ADAM12: variants seen among roughly 807,000 people sequenced by gnomAD.
ADAM12 encodes ADAM metallopeptidase domain 12.
A neutral mutation model predicts 106.4 loss-of-function variants in ADAM12; 70 were observed. The observed-to-expected ratio is 0.66, with a 90% CI of 0.54 to 0.80. The LOEUF is 0.80. ADAM12 is among the 30% of genes least tolerant of loss of function. ADAM12 has a pLI of 0.00. For missense variants in ADAM12, 1,010 were observed against 1,171.9 expected, an observed-to-expected ratio of 0.86 and a Z score of 2.02; for synonymous variants, 420 against 433.5, an observed-to-expected ratio of 0.97 and a Z score of 0.39.
At chr10:126,046,929 G>A (rs1459711) in intron 16 of ADAM12, among the ~76,000 whole-genome samples, 17,275 of 151,892 alleles carry the variant, frequency 0.11, 1,775 homozygotes, top group East Asian at 0.39. Context: ...TTAAGGGAGA[G>A]GTTGAAATAT....
intron 3 of ADAM12, among the ~76,000 whole-genome samples, chr10:126,241,132 C>T (rs369869486): frequency 1.3e-5 from 2 of 152,164 alleles, no homozygotes; most frequent in Admixed American, 1.3e-4. Flanking sequence ...GGGACATGTA[C>T]TATATAACTG....
chr10:126,262,798 T>C (rs932508605), intron 3 of ADAM12, among the ~76,000 whole-genome samples: 1 of 152,138 alleles, frequency 6.6e-6, no homozygotes, highest in Non-Finnish European at 1.5e-5. Flanking sequence ...GCATCTAGCT[T>C]TTATCAAATG....
Position 126,066,529 on chromosome 10 carries a change from A to C in ADAM12, c.1413+188T>G, listed in dbSNP as rs183496104. 2.0e-5 allele frequency among the ~76,000 whole-genome samples: 3 copies of C among 152,330 alleles called. No individual in the cohort carries two copies. The East Asian group carries it at 5.8e-4, about 29-fold the overall frequency. The stretch of plus-strand genomic sequence containing the variant: ...CAAGTGACTGGCAACTGAAGCGTGC[A>C]TTTCACCCCAAGATTGGAAGCTAAA... On this transcript the variant is annotated intron_variant, in intron 13 of 22. Transcript: ENST00000448723. The surrounding 1 kb of genome is among the most constrained non-coding windows in gnomAD (Gnocchi z 5.1).
At chr10:126,155,189 G>A (rs1233775001) in intron 4 of ADAM12, 38 bp downstream of exon 4, 3 of 1,598,392 alleles carry the variant, frequency 1.9e-6, no homozygotes, top group Non-Finnish European at 8.6e-7. Context: ...CAGATCCAGT[G>A]GTGTAAGATT....
chr10:126,316,637 G>A (rs1240420044), intron 2 of ADAM12, among the ~76,000 whole-genome samples: 9 of 152,086 alleles, frequency 5.9e-5, no homozygotes, highest in African/African-American at 7.2e-5. Context: ...CAGGTGGATC[G>A]CTTGAGCTCA....
At position 126,286,570 on chromosome 10, in the gene ADAM12, C is replaced by G. The variant is rs566841021; in HGVS notation, c.187-7582G>C. Reference sequence around the variant, plus strand: ...TGGCATTCACGGGGCACGAGGGAGTCATTTATTGCTATGAATATTTAGAGG... The same window carrying G: ...TGGCATTCACGGGGCACGAGGGAGTGATTTATTGCTATGAATATTTAGAGG... On this transcript the variant is annotated intron_variant, in intron 2 of 22. Transcript: ENST00000448723. 2.0e-5 allele frequency among the ~76,000 whole-genome samples: 3 copies of G among 152,276 alleles called. No individual in the cohort carries two copies. The South Asian group carries it at 6.2e-4, about 32-fold the overall frequency.
At chr10:126,088,319 G>A (rs752278216) in intron 11 of ADAM12, among the ~76,000 whole-genome samples, 1 of 152,086 alleles carries the variant, frequency 6.6e-6, no homozygotes, top group Non-Finnish European at 1.5e-5. Flanking sequence ...GCTCTGCCTG[G>A]TGGCCAGCTG....
At chr10:126,222,313 G>A (rs1180267896) in intron 3 of ADAM12, among the ~76,000 whole-genome samples, 6 of 152,006 alleles carry the variant, frequency 3.9e-5, no homozygotes, top group Non-Finnish European at 7.4e-5. Flanking sequence ...GAGGTCTCAC[G>A]TGAAATTGAA....
intron 14 of ADAM12, among the ~76,000 whole-genome samples, chr10:126,058,246 C>T (rs900176669): frequency 2.0e-5 from 3 of 152,218 alleles, no homozygotes; most frequent in African/African-American, 7.2e-5. Context: ...GGGATGCTGC[C>T]TCGGGCCAGC....
In ADAM12 at chr10:126,298,443, C is replaced by T. The variant is rs574409539; in HGVS notation, c.187-19455G>A. Among the ~76,000 whole-genome samples, 7 of 152,010 alleles carry T rather than the reference C, an allele frequency of 4.6e-5. 1 individual carries two copies. In the South Asian group the frequency reaches 8.3e-4, roughly 18 times the overall value. On this transcript the variant is annotated intron_variant, in intron 2 of 22. Coordinates refer to ENST00000448723, the MANE Select transcript of ADAM12 (RefSeq NM_001288973.2). Reference sequence around the variant, plus strand: ...TTTAAACACAGCTGAAGGAAGAAATCGTAGAGTGAAAAATCGGTCTGAAGA... The same window carrying T: ...TTTAAACACAGCTGAAGGAAGAAATTGTAGAGTGAAAAATCGGTCTGAAGA...
chr10:126,267,224 A>T (rs11244924), intron 3 of ADAM12, among the ~76,000 whole-genome samples: 4 of 151,918 alleles, frequency 2.6e-5, no homozygotes, highest in African/African-American at 7.3e-5. Flanking sequence ...TCATTAGCTC[A>T]GAAGAGTCAC....
intron 2 of ADAM12, among the ~76,000 whole-genome samples, chr10:126,323,591 C>T (rs867969469): frequency 8.5e-5 from 13 of 152,206 alleles, no homozygotes; most frequent in Admixed American, 2.6e-4. Flanking sequence ...TGCAATCACT[C>T]CACTCTGTGC....
chr10:126,286,394 C>A (rs987434165), intron 2 of ADAM12, among the ~76,000 whole-genome samples: 3 of 152,102 alleles, frequency 2.0e-5, no homozygotes, highest in Admixed American at 6.6e-5. Context: ...TCAGCCAGAG[C>A]CAAAGTCATT....
At chr10:126,258,258 CATT>C (rs1212338000) in intron 3 of ADAM12, among the ~76,000 whole-genome samples, 1 of 152,200 alleles carries the variant, frequency 6.6e-6, no homozygotes, top group African/African-American at 2.4e-5. Context: ...TCTTTGTCCT[CATT>C]AGAGTCTGAG....
At chr10:126,193,413 A>T (rs562362348) in intron 3 of ADAM12, among the ~76,000 whole-genome samples, 1 of 152,296 alleles carries the variant, frequency 6.6e-6, no homozygotes, top group African/African-American at 2.4e-5. Flanking sequence ...TCTGATGGCA[A>T]TGATGGACAA....
intron 4 of ADAM12, among the ~76,000 whole-genome samples, chr10:126,138,872 T>C (rs1300041304): frequency 6.6e-6 from 1 of 151,976 alleles, no homozygotes; most frequent in African/African-American, 2.4e-5. Context: ...TCTTTAGCCA[T>C]CTTGAATTAA....
chr10:126,359,439 T>C (rs1336210760), intron 1 of ADAM12, among the ~76,000 whole-genome samples: 1 of 152,084 alleles, frequency 6.6e-6, no homozygotes, highest in Non-Finnish European at 1.5e-5. Flanking sequence ...CTAGATACAA[T>C]GAGGGTACAG....
intron 6 of ADAM12, among the ~76,000 whole-genome samples, chr10:126,111,200 A>C (rs1955861037): frequency 6.6e-6 from 1 of 152,226 alleles, no homozygotes; most frequent in South Asian, 2.1e-4. Context: ...CTTATGGAAA[A>C]GGAAAAATAA....
intron 21 of ADAM12, among the ~76,000 whole-genome samples, chr10:126,020,720 G>A (rs931005219): frequency 2.0e-4 from 31 of 152,150 alleles, no homozygotes; most frequent in Non-Finnish European, 4.6e-4. Flanking sequence ...GCGGGGCGTG[G>A]TAGCTCATGC....
Sources: allele counts gnomAD v4.1 joint callset (sites outside exome capture counted in the v4.1 genomes callset), GRCh38; gene constraint gnomAD v4.1.1; non-coding constraint Gnocchi (gnomAD v3.1); transcripts MANE v1.5; gene names NCBI Gene and HGNC (gene_info 2026-07-23, HGNC 2026-07-21).